The following MIPOL1 variants were observed in gnomAD, a reference collection of about 807,000 sequenced individuals.
MIPOL1 encodes the protein mirror-image polydactyly gene 1 protein.
A neutral mutation model predicts 60.9 loss-of-function variants in MIPOL1; 57 were observed. The ratio of observed to expected loss-of-function variants is 0.94; its 90% CI spans 0.76 to 1.17. The LOEUF is 1.17. MIPOL1 is among the 50% of genes most tolerant of loss of function. The pLI, the probability that MIPOL1 is intolerant of heterozygous loss-of-function variation, is 0.00. For missense variants in MIPOL1, 551 were observed against 511.6 expected (o/e 1.08, Z -0.74); for synonymous variants, 179 against 168.8 (o/e 1.06, Z -0.47).
At chr14:37,501,464 C>G (rs2095214023) in intron 12 of MIPOL1, 1 of 152,080 alleles carries the variant, frequency 6.6e-6, no homozygotes, top group African/African-American at 2.4e-5. Context: ...TCCCACAGAC[C>G]AATTCTATTT....
chr14:37,323,821 G>A (rs956498091), intron 9 of MIPOL1, among the ~76,000 whole-genome samples: 1 of 151,686 alleles, frequency 6.6e-6, no homozygotes, highest in Non-Finnish European at 1.5e-5. Flanking sequence ...TTACAGATTT[G>A]TTTTGCTTCT....
intron 12 of MIPOL1, among the ~76,000 whole-genome samples, chr14:37,509,664 G>A (rs889864604): frequency 6.7e-6 from 1 of 149,646 alleles, no homozygotes; most frequent in African/African-American, 2.5e-5. Context: ...GTTTATATAT[G>A]TGCATGTACA....
intron 10 of MIPOL1, chr14:37,401,939 G>A (rs1343168062): frequency 6.6e-6 from 1 of 152,088 alleles, no homozygotes; most frequent in Non-Finnish European, 1.5e-5. Flanking sequence ...TATAGGAGTA[G>A]GAGTATGGAT....
At chr14:37,396,540 T>G (rs1356215275) in intron 10 of MIPOL1, among the ~76,000 whole-genome samples, 1 of 151,996 alleles carries the variant, frequency 6.6e-6, no homozygotes, top group Non-Finnish European at 1.5e-5. Context: ...GCTGAGGAAG[T>G]TTTCCTCGAT....
intron 4 of MIPOL1, among the ~76,000 whole-genome samples, chr14:37,267,707 T>A (rs922721062): frequency 1.3e-5 from 2 of 152,306 alleles, no homozygotes. Context: ...AAGACAGGTT[T>A]AATTCTATTT....
rs149678294 is a variant in MIPOL1 at position 37,226,750 on chromosome 14, G to A, written c.-198-20353G>A. Among the ~76,000 whole-genome samples the A allele has an allele frequency of 3.4e-3, 521 of 152,244 alleles. 3 individuals carry two copies. The highest frequency in any genetic ancestry group is 0.012 in the African/African-American group (511 of 41,540). On this transcript the variant is annotated intron_variant, in intron 1 of 12. Transcript: ENST00000684589. ...GCCTGGGAGTTCAAGACTGCAGTGAGCCATGGTTGCACTACTGCACACCAG... is the reference window on the plus strand; with the variant it reads ...GCCTGGGAGTTCAAGACTGCAGTGAACCATGGTTGCACTACTGCACACCAG...
chr14:37,376,296 A>T (rs1471044713), intron 10 of MIPOL1, among the ~76,000 whole-genome samples: 2 of 152,148 alleles, frequency 1.3e-5, no homozygotes, highest in Admixed American at 1.3e-4. Context: ...ATCATGCAGG[A>T]CAGTTTCACC....
At chr14:37,497,721 A>G (rs920111001) in intron 11 of MIPOL1, among the ~76,000 whole-genome samples, 4 of 152,194 alleles carry the variant, frequency 2.6e-5, no homozygotes, top group African/African-American at 9.7e-5. Context: ...GAAGAGAATG[A>G]AACATCACTG....
chr14:37,404,769 G>T (rs2093556160), intron 10 of MIPOL1, among the ~76,000 whole-genome samples: 1 of 152,120 alleles, frequency 6.6e-6, no homozygotes. Context: ...GATAATTACT[G>T]CAGAGCAGCT....
At chr14:37,369,092 T>C (rs1181371138) in intron 9 of MIPOL1, among the ~76,000 whole-genome samples, 1 of 151,968 alleles carries the variant, frequency 6.6e-6, no homozygotes, top group African/African-American at 2.4e-5. Flanking sequence ...ATATACCTTA[T>C]AATTTTTATT....
chr14:37,385,009 A>C (rs1395455618), intron 10 of MIPOL1, among the ~76,000 whole-genome samples: 1 of 152,096 alleles, frequency 6.6e-6, no homozygotes, highest in South Asian at 2.1e-4. Context: ...CTAAAAGAGA[A>C]TTACATATTT....
chr14:37,430,430 T>C (rs574882160), intron 11 of MIPOL1, among the ~76,000 whole-genome samples: 1 of 152,162 alleles, frequency 6.6e-6, no homozygotes, highest in African/African-American at 2.4e-5. Flanking sequence ...ACAGCTGGCT[T>C]CACTGTTCAA....
chr14:37,229,858 A>C (rs1477772156), intron 1 of MIPOL1, among the ~76,000 whole-genome samples: 1 of 152,224 alleles, frequency 6.6e-6, no homozygotes, highest in African/African-American at 2.4e-5. Context: ...TATATGTAGA[A>C]TCTAAAAAAG....
chr14:37,492,901 A>G (rs1012767671), intron 11 of MIPOL1, among the ~76,000 whole-genome samples: 1 of 152,126 alleles, frequency 6.6e-6, no homozygotes, highest in African/African-American at 2.4e-5. Context: ...AAATGTCTTC[A>G]GATGTTGCAG....
chr14:37,358,038 G>A (rs564086174), intron 9 of MIPOL1, among the ~76,000 whole-genome samples: 1 of 151,564 alleles, frequency 6.6e-6, no homozygotes, highest in South Asian at 2.1e-4. Flanking sequence ...CCTGCCCTAT[G>A]TCCAAGTGTT....
At chr14:37,284,967 C>T (rs1201338838) in intron 6 of MIPOL1, among the ~76,000 whole-genome samples, 4 of 152,154 alleles carry the variant, frequency 2.6e-5, no homozygotes, top group African/African-American at 9.6e-5. Flanking sequence ...CTAGCCTAGG[C>T]CTGTCTTCAA....
intron 11 of MIPOL1, among the ~76,000 whole-genome samples, chr14:37,444,438 A>G (rs895001006): frequency 1.3e-5 from 2 of 152,216 alleles, no homozygotes; most frequent in African/African-American, 2.4e-5. Flanking sequence ...TATTTCTGTG[A>G]TATCAATTCT....
chr14:37,289,278 G>A (rs1178876378), intron 7 of MIPOL1, among the ~76,000 whole-genome samples: 2 of 152,154 alleles, frequency 1.3e-5, no homozygotes, highest in Non-Finnish European at 2.9e-5. Context: ...CACCAAGCAA[G>A]TAATCAGTTC....
At chr14:37,535,539 C>G (rs1280233701) in intron 12 of MIPOL1, among the ~76,000 whole-genome samples, 2 of 152,148 alleles carry the variant, frequency 1.3e-5, no homozygotes, top group Non-Finnish European at 2.9e-5. Context: ...ACACACTCTC[C>G]CGTTCACAGT....
Sources: allele counts gnomAD v4.1 joint callset (sites outside exome capture counted in the v4.1 genomes callset), GRCh38; gene constraint gnomAD v4.1.1; transcripts MANE v1.5; gene names NCBI Gene and HGNC (gene_info 2026-07-23, HGNC 2026-07-21).